GLIS3: variants seen among roughly 807,000 people sequenced by gnomAD.
The protein encoded by GLIS3 is zinc finger protein GLIS3.
A neutral mutation model predicts 78.6 loss-of-function variants in GLIS3; 53 were observed. That is an observed-to-expected ratio of 0.67 (90% CI 0.54 to 0.85). The LOEUF (loss-of-function observed/expected upper bound fraction) is 0.85. Among genes scored for constraint, GLIS3 ranks in the 40% least tolerant of loss-of-function variants. GLIS3 has a pLI of 0.00. For synonymous variants in GLIS3, 684 were observed against 509.9 expected, an observed-to-expected ratio of 1.34 and a Z score of -4.60; for missense variants, 1,703 against 1,231.1, an observed-to-expected ratio of 1.38 and a Z score of -5.74.
chr9:4,108,825 A>G (rs565128714), intron 4 of GLIS3, among the ~76,000 whole-genome samples: 1 of 152,278 alleles, frequency 6.6e-6, no homozygotes, highest in South Asian at 2.1e-4. Flanking sequence ...CCCTCTCTAG[A>G]ACATTCTGAA....
At chr9:3,848,327 C>G (rs377377257) in intron 9 of GLIS3, among the ~76,000 whole-genome samples, 3 of 152,038 alleles carry the variant, frequency 2.0e-5, no homozygotes, top group African/African-American at 7.2e-5. Context: ...ATGGTGAAAC[C>G]CCGTCTCTAC....
intron 4 of GLIS3, among the ~76,000 whole-genome samples, chr9:3,994,905 A>ACAAG (rs922265976): frequency 6.6e-6 from 1 of 151,968 alleles, no homozygotes; most frequent in South Asian, 2.1e-4. Flanking sequence ...AGGCCAGAAA[A>ACAAG]CAAGCAAGCA....
At chr9:4,348,984 T>G (rs1343636623), upstream of GLIS3, among the ~76,000 whole-genome samples, 1 of 152,192 alleles carries the variant, frequency 6.6e-6, no homozygotes, top group Non-Finnish European at 1.5e-5. Flanking sequence ...AAACATCCAG[T>G]AAACATTATT....
intron 2 of GLIS3, among the ~76,000 whole-genome samples, chr9:4,177,058 C>G (rs759863504): frequency 6.6e-6 from 1 of 152,218 alleles, no homozygotes; most frequent in Admixed American, 6.5e-5. Context: ...ACCATCATTA[C>G]CAATGTATGG....
intron 8 of GLIS3, 122 bp downstream of exon 8, chr9:3,879,305 A>T: frequency 1.1e-6 from 1 of 902,136 alleles, no homozygotes; most frequent in African/African-American, 1.6e-5. Context: ...TTAAAATGTC[A>T]CCTTTGGGTA....
chr9:4,132,301 A>G (rs551552485), intron 2 of GLIS3, among the ~76,000 whole-genome samples: 2 of 152,326 alleles, frequency 1.3e-5, no homozygotes, highest in South Asian at 4.1e-4. Context: ...GCTAGTAGGG[A>G]ATGCAAACGT....
chr9:4,297,245 G>A (rs1194735127), intron 1 of GLIS3, among the ~76,000 whole-genome samples: 1 of 152,196 alleles, frequency 6.6e-6, no homozygotes. Context: ...AGAGGGGACA[G>A]AACCAGACTT....
At chr9:3,889,176 C>T (rs1291785401) in intron 7 of GLIS3, among the ~76,000 whole-genome samples, 1 of 152,202 alleles carries the variant, frequency 6.6e-6, no homozygotes. Context: ...CACCTCATAA[C>T]TAGAATGGAG....
intron 4 of GLIS3, among the ~76,000 whole-genome samples, chr9:3,949,170 CTCTT>C (rs990398884): frequency 3.3e-5 from 5 of 152,172 alleles, no homozygotes; most frequent in African/African-American, 7.2e-5. Flanking sequence ...TCCAGTTGCT[CTCTT>C]TCTTTTTTTC....
the GLIS3 span, among the ~76,000 whole-genome samples, chr9:4,468,545 AGTGAAG>A: frequency 6.6e-6 from 1 of 152,218 alleles, no homozygotes; most frequent in African/African-American, 2.4e-5. Context: ...AAACTTCGTA[AGTGAAG>A]GAGAAATAAA....
At chr9:4,168,071 G>C (rs576513682) in intron 2 of GLIS3, among the ~76,000 whole-genome samples, 1 of 152,238 alleles carries the variant, frequency 6.6e-6, no homozygotes, top group South Asian at 2.1e-4. Flanking sequence ...CCGGTTAAAT[G>C]CAATCATTTC....
intron 1 of GLIS3, among the ~76,000 whole-genome samples, chr9:4,293,100 G>A (rs529886418): frequency 6.6e-6 from 1 of 152,130 alleles, no homozygotes; most frequent in Non-Finnish European, 1.5e-5. Context: ...ACACAAGAGG[G>A]TACATAAGGA....
At chr9:4,203,431 G>C (rs1819582763) in intron 2 of GLIS3, among the ~76,000 whole-genome samples, 1 of 152,186 alleles carries the variant, frequency 6.6e-6, no homozygotes. Flanking sequence ...ATTTCTCAAG[G>C]AACTTAGAAC....
upstream of GLIS3, among the ~76,000 whole-genome samples, chr9:4,352,596 T>TA (rs1817987766): frequency 6.6e-6 from 1 of 152,214 alleles, no homozygotes; most frequent in Admixed American, 6.5e-5. Flanking sequence ...GCTACTTCTG[T>TA]AGAGGGAGGT....
the GLIS3 span, among the ~76,000 whole-genome samples, chr9:4,476,793 G>C: frequency 2.0e-5 from 3 of 151,916 alleles, no homozygotes; most frequent in African/African-American, 7.3e-5. Flanking sequence ...AAAGAGAAAA[G>C]AAATAAGAAT....
At chr9:4,458,656 C>T in the GLIS3 span, among the ~76,000 whole-genome samples, 1 of 152,014 alleles carries the variant, frequency 6.6e-6, no homozygotes, top group African/African-American at 2.4e-5. Flanking sequence ...GGCATGGTGG[C>T]GCACGTCTGT....
At chr9:4,196,938 C>T (rs1309542954) in intron 2 of GLIS3, among the ~76,000 whole-genome samples, 1 of 152,192 alleles carries the variant, frequency 6.6e-6, no homozygotes, top group Non-Finnish European at 1.5e-5. Context: ...CTCTCCGCTC[C>T]ACCCCTAGGC....
rs1452081247 is a variant in GLIS3, at chr9:4,037,575, CACACACACAG to C, written c.1710+80183_1710+80192del. ...ACACACACACACACACACACACACA[CACACACACAG>C]AGACAATAAATCCTGGGGGAACTTT... is the stretch of plus-strand genomic sequence containing the variant. On this transcript the variant is annotated intron_variant, in intron 4 of 10. Coordinates refer to ENST00000381971, the MANE Select transcript of GLIS3 (RefSeq NM_001042413.2). Among the ~76,000 whole-genome samples the C allele has an allele frequency of 2.8e-3, 431 of 151,966 alleles. 3 individuals carry two copies. Among genetic ancestry groups the C allele is most frequent in the African/African-American group, 4.1e-3 (171 of 41,472 alleles).
chr9:4,035,988 C>T (rs1455234966), intron 4 of GLIS3: 1 of 152,298 alleles, frequency 6.6e-6, no homozygotes, highest in African/African-American at 2.4e-5. Flanking sequence ...CTACATGCTC[C>T]TATACCAGAT....
Sources: gnomAD v4.1 joint callset for allele counts (sites outside exome capture counted in the v4.1 genomes callset) on GRCh38, gnomAD v4.1.1 for gene constraint, MANE v1.5 for transcripts, NCBI Gene and HGNC (gene_info 2026-07-23, HGNC 2026-07-21) for gene names.